The following WDR49 variants were observed in gnomAD, a reference collection of about 807,000 sequenced individuals.
WDR49 encodes the protein WD repeat domain 49, also known as cilia- and flagella-associated protein 337.
Under a neutral mutation model 119.5 loss-of-function variants are expected in WDR49, and 107 were observed. That is an observed-to-expected ratio of 0.90 (90% CI 0.77 to 1.05). The LOEUF (loss-of-function observed/expected upper bound fraction) is 1.05. WDR49 is among the 50% of genes least tolerant of loss of function. WDR49 has a pLI of 0.00. For synonymous variants in WDR49, 425 were observed against 418.8 expected, an observed-to-expected ratio of 1.01 and a Z score of -0.18; for missense variants, 1,240 against 1,220.5, an observed-to-expected ratio of 1.02 and a Z score of -0.24.
intron 8 of WDR49, among the ~76,000 whole-genome samples, chr3:167,572,894 A>G (rs557233351): frequency 1.2e-4 from 18 of 152,180 alleles, no homozygotes; most frequent in Non-Finnish European, 2.1e-4. Context: ...AGGAGGATAA[A>G]CAACTTTCCC....
At chr3:167,647,074 G>T (rs537741561) in intron 2 of WDR49, among the ~76,000 whole-genome samples, 1 of 152,204 alleles carries the variant, frequency 6.6e-6, no homozygotes, top group South Asian at 2.1e-4. Flanking sequence ...ACAAATAATG[G>T]TTCTTTCATT....
rs966691614 is a variant in WDR49, at chr3:167,560,084, T to G, written c.1654A>C (p.Ser552Arg). 6.2e-7 allele frequency: 1 copy of G among 1,614,178 alleles called. No homozygotes were observed. Among genetic ancestry groups the G allele is most frequent in the Non-Finnish European group, 8.5e-7 (1 of 1,180,010 alleles). ...DANETRLLTGSTDGTVKIWDF... is the reference protein window; with the variant it reads ...DANETRLLTGRTDGTVKIWDF... Reference sequence around the variant, plus strand: ...CGCACCTTTACAGTCCCATCTGTGCTGCCAGTCAAAAGCCGAGTCTCATTT... The same window carrying G: ...CGCACCTTTACAGTCCCATCTGTGCGGCCAGTCAAAAGCCGAGTCTCATTT... Residue 552 changes from serine to arginine, a missense_variant, in exon 9 of 19, where the codon AGC becomes CGC. Transcript: ENST00000682715.
intron 16 of WDR49, among the ~76,000 whole-genome samples, chr3:167,507,301 A>G (rs1751809287): frequency 1.3e-5 from 2 of 152,132 alleles, no homozygotes; most frequent in Middle Eastern, 3.2e-3. Flanking sequence ...TTGCACTGGA[A>G]TGACATCCCT....
At chr3:167,542,742 G>A (rs1421556224) in intron 10 of WDR49, among the ~76,000 whole-genome samples, 1 of 150,824 alleles carries the variant, frequency 6.6e-6, no homozygotes, top group Non-Finnish European at 1.5e-5. Context: ...AGAGAAACAA[G>A]AAAAAAACAA....
intron 10 of WDR49, among the ~76,000 whole-genome samples, chr3:167,550,308 G>T (rs1233767714): frequency 6.6e-6 from 1 of 152,094 alleles, no homozygotes; most frequent in East Asian, 1.9e-4. Flanking sequence ...TCACAATATT[G>T]ATTCTTCCTA....
intron 18 of WDR49, among the ~76,000 whole-genome samples, chr3:167,485,228 C>A (rs945821894): frequency 5.9e-5 from 9 of 151,782 alleles, no homozygotes; most frequent in African/African-American, 2.2e-4. Context: ...AGCATTAGGA[C>A]AAATACCTAA....
intron 15 of WDR49, among the ~76,000 whole-genome samples, chr3:167,525,034 A>G (rs983545449): frequency 6.6e-6 from 1 of 152,142 alleles, no homozygotes; most frequent in Non-Finnish European, 1.5e-5. Context: ...CTTCCTGTTC[A>G]TGAGCATGGA....
intron 17 of WDR49, among the ~76,000 whole-genome samples, chr3:167,503,693 C>T (rs1235841037): frequency 2.0e-5 from 3 of 152,140 alleles, no homozygotes; most frequent in Non-Finnish European, 2.9e-5. Flanking sequence ...TGGAAGTCAG[C>T]GGTGGGTCTG....
chr3:167,615,883 A>C (rs1263709378), intron 5 of WDR49, among the ~76,000 whole-genome samples: 1 of 152,230 alleles, frequency 6.6e-6, no homozygotes, highest in Non-Finnish European at 1.5e-5. Context: ...TCCCTACAAT[A>C]ATTATCACAG....
rs200634274 is a variant in WDR49 at position 167,478,788 on chromosome 3, TATAAA to T, written c.*85_*89del. ...AAGAGAAAACTTCCTGAAGTTTAAATATAAAATAAAATAAAAGGCAGAATTCTTGA... is the reference window on the plus strand; with the variant it reads ...AAGAGAAAACTTCCTGAAGTTTAAATATAAAATAAAAGGCAGAATTCTTGA... On this transcript the variant is annotated 3_prime_UTR_variant, in exon 19 of 19. Transcript: ENST00000682715. 2,736 of 892,736 alleles carry T rather than the reference TATAAA, an allele frequency of 3.1e-3. 42 individuals carry two copies. The African/African-American group carries it at 0.036, about 12-fold the overall frequency. The allele number at this position is 892,736 out of a possible 1,614,324, so 55.3% of individuals were successfully genotyped here.
intron 8 of WDR49, among the ~76,000 whole-genome samples, chr3:167,572,002 T>C (rs1713964987): frequency 6.6e-6 from 1 of 152,236 alleles, no homozygotes; most frequent in Admixed American, 6.5e-5. Flanking sequence ...GTATATTATC[T>C]ATTCTAGTTT....
intron 10 of WDR49, among the ~76,000 whole-genome samples, chr3:167,539,482 A>G (rs538238328): frequency 6.6e-6 from 1 of 152,302 alleles, no homozygotes; most frequent in South Asian, 2.1e-4. Context: ...TAGGATTAAA[A>G]GAAATAGTTC....
At chr3:167,635,492 T>C (rs1018635662) in intron 2 of WDR49, among the ~76,000 whole-genome samples, 8 of 151,688 alleles carry the variant, frequency 5.3e-5, no homozygotes, top group Non-Finnish European at 1.0e-4. Context: ...GAAATGTTGT[T>C]TATATTTTTG....
At chr3:167,492,321 A>G (rs1451970515) in intron 18 of WDR49, among the ~76,000 whole-genome samples, 1 of 152,154 alleles carries the variant, frequency 6.6e-6, no homozygotes, top group African/African-American at 2.4e-5. Flanking sequence ...TTTGAATACT[A>G]TTTGAACAGG....
intron 2 of WDR49, among the ~76,000 whole-genome samples, chr3:167,630,958 G>A (rs1717342061): frequency 6.6e-6 from 1 of 152,022 alleles, no homozygotes; most frequent in Admixed American, 6.6e-5. Context: ...GCTTAGGAAC[G>A]CTAGCCAGCA....
intron 18 of WDR49, among the ~76,000 whole-genome samples, chr3:167,496,660 T>C (rs893196413): frequency 2.0e-5 from 3 of 152,224 alleles, no homozygotes; most frequent in Non-Finnish European, 4.4e-5. Flanking sequence ...TCAAGATCTC[T>C]GAAGGCTAGG....
At chr3:167,523,923 T>C (rs1286034310) in intron 15 of WDR49, among the ~76,000 whole-genome samples, 1 of 152,108 alleles carries the variant, frequency 6.6e-6, no homozygotes, top group Non-Finnish European at 1.5e-5. Context: ...GTAATGGGAT[T>C]CCTGAATCAA....
chr3:167,620,958 T>C (rs1716836253), intron 4 of WDR49, among the ~76,000 whole-genome samples: 3 of 152,128 alleles, frequency 2.0e-5, no homozygotes, highest in Non-Finnish European at 2.9e-5. Context: ...GGGTGAAATT[T>C]GATAGGAAGA....
chr3:167,627,060 TC>T lies in WDR49; in HGVS notation c.397del (p.Glu133AsnfsTer5). ...GTCCTTGTGTTTTACTGGGAGGAAT[TC>T]AAGGTCCTTCCACTGGGGCACCACA... ...ATVVPQWKDLEFLPVKHKDTI... is the reference protein window; with the variant it reads ...ATVVPQWKDLXFLPVKHKDTI... On this transcript the variant is annotated frameshift_variant, in exon 3 of 19. Transcript: ENST00000682715. LOFTEE classifies it high-confidence loss of function. 1 of 1,305,554 alleles carries T rather than the reference TC, an allele frequency of 7.7e-7. No individual in the cohort carries two copies. Among genetic ancestry groups the T allele is most frequent in the Non-Finnish European group, 9.7e-7 (1 of 1,027,072 alleles). The allele number at this position is 1,305,554 out of a possible 1,614,324, so 80.9% of individuals were successfully genotyped here. A position where few individuals can be genotyped will look rare whatever the true frequency, so the allele number is the denominator to read the frequency against.
Sources: gnomAD v4.1 joint callset for allele counts (sites outside exome capture counted in the v4.1 genomes callset) on GRCh38, gnomAD v4.1.1 for gene constraint, MANE v1.5 for transcripts, NCBI Gene and HGNC (gene_info 2026-07-23, HGNC 2026-07-21) for gene names.